Variants in PRMT8 observed in about 807,000 individuals in gnomAD.
PRMT8 encodes protein arginine methyltransferase 8, also known as protein arginine N-methyltransferase 8.
PRMT8 carries 7 observed loss-of-function variants against 47.1 expected under a neutral mutation model. The ratio of observed to expected loss-of-function variants is 0.15; its 90% CI spans 0.08 to 0.28. PRMT8 has a LOEUF of 0.28. Ranked by LOEUF, PRMT8 falls within the 10% of genes least tolerant of loss-of-function variation. The pLI is 1.00. For synonymous variants in PRMT8, 188 were observed against 186.5 expected (o/e 1.01, Z -0.07); for missense variants, 237 against 505.4 (o/e 0.47, Z 5.09).
At chr12:3,531,042 C>T (rs897374208) in intron 1 of PRMT8, among the ~76,000 whole-genome samples, 43 of 152,214 alleles carry the variant, frequency 2.8e-4, no homozygotes, top group Middle Eastern at 3.4e-3. Flanking sequence ...GCCTACGAAG[C>T]GGGTACAGGG....
At chr12:3,417,010 G>A (rs1045482770) in intron 1 of PRMT8, among the ~76,000 whole-genome samples, 1 of 152,262 alleles carries the variant, frequency 6.6e-6, no homozygotes. Flanking sequence ...GCAACTTCCT[G>A]TTTAGCAGAG....
upstream of PRMT8, among the ~76,000 whole-genome samples, chr12:3,491,019 G>GT (rs527819358): frequency 3.8e-4 from 58 of 152,216 alleles, no homozygotes; most frequent in African/African-American, 1.3e-3. Context: ...TGGCCTCCAC[G>GT]TAAGTTGTGT....
chr12:3,481,922 G>T (rs1865277793), intron 1 of PRMT8, among the ~76,000 whole-genome samples: 1 of 152,162 alleles, frequency 6.6e-6, no homozygotes, highest in South Asian at 2.1e-4. Flanking sequence ...CCAAATTTAG[G>T]CTATGATTCT....
At position 3,580,190 on chromosome 12, in the gene PRMT8, A is replaced by G. The variant is rs112023590; in HGVS notation, c.829-2868A>G. On this transcript the variant is annotated intron_variant, in intron 7 of 9. Coordinates refer to ENST00000382622, the MANE Select transcript of PRMT8 (RefSeq NM_019854.5). This position sits in a 1 kb window ranked among gnomAD's most constrained non-coding sequence, Gnocchi z 4.6. ...TTTTGGTCCTAAAGGCTTTTGTTCT[A>G]TCAGAGGCCTCTATTAAGATGCAAA... Among the ~76,000 whole-genome samples the G allele has an allele frequency of 2.6e-5, 4 of 152,296 alleles. No homozygotes were observed. Among genetic ancestry groups the G allele is most frequent in the African/African-American group, 9.6e-5 (4 of 41,570 alleles).
At chr12:3,534,655 T>G (rs529506229) in intron 1 of PRMT8, among the ~76,000 whole-genome samples, 1 of 152,332 alleles carries the variant, frequency 6.6e-6, no homozygotes, top group African/African-American at 2.4e-5. Context: ...CTACCTCCAC[T>G]GAAGCGCTCT....
chr12:3,419,925 C>T (rs2137060436), intron 1 of PRMT8, among the ~76,000 whole-genome samples: 1 of 134,556 alleles, frequency 7.4e-6, no homozygotes, highest in Admixed American at 8.9e-5. Flanking sequence ...CAGAGGGAGC[C>T]AAGAAAGATC....
intron 7 of PRMT8, among the ~76,000 whole-genome samples, 182 bp downstream of exon 7, chr12:3,577,168 T>G (rs898249683): frequency 6.6e-6 from 1 of 152,138 alleles, no homozygotes; most frequent in Admixed American, 6.5e-5. Context: ...ACACAGCCAC[T>G]GAGAGAGTGG....
intron 1 of PRMT8, among the ~76,000 whole-genome samples, chr12:3,434,407 C>G (rs1164627193): frequency 1.3e-5 from 2 of 152,178 alleles, no homozygotes; most frequent in Admixed American, 1.3e-4. Flanking sequence ...GTTCTCCTTG[C>G]TATCTAAAAA....
rs149121915 is a variant in PRMT8, at chr12:3,518,476, C to A, written c.76-22130C>A. Reference sequence around the variant, plus strand: ...AGCAGCTAAATCAATTTTTAAAACCCAATTTTTGTACCTGGGCTAAGGTAA... The same window carrying A: ...AGCAGCTAAATCAATTTTTAAAACCAAATTTTTGTACCTGGGCTAAGGTAA... On this transcript the variant is annotated intron_variant, in intron 1 of 9. Coordinates refer to ENST00000382622, the MANE Select transcript of PRMT8 (RefSeq NM_019854.5). Among the ~76,000 whole-genome samples, 851 of 151,690 alleles carry A rather than the reference C, an allele frequency of 5.6e-3. 28 individuals are homozygous for A. The highest frequency in any genetic ancestry group is 0.051 in the Admixed American group (777 of 15,234).
Position 3,516,467 on chromosome 12 carries a change from G to A in PRMT8, c.76-24139G>A, listed in dbSNP as rs533822876. On this transcript the variant is annotated intron_variant, in intron 1 of 9. Coordinates refer to ENST00000382622, the MANE Select transcript of PRMT8 (RefSeq NM_019854.5). ...GCCTGATGCTGCCAGCATTTACAGA[G>A]CTTTCATTTTATGGGGGAAACAGAC... 5.3e-5 allele frequency among the ~76,000 whole-genome samples: 8 copies of A among 152,324 alleles called. No individual in the cohort carries two copies. In the South Asian group the frequency reaches 1.7e-3, roughly 32 times the overall value.
intron 1 of PRMT8, among the ~76,000 whole-genome samples, chr12:3,520,049 G>A (rs897857920): frequency 2.0e-5 from 3 of 152,184 alleles, no homozygotes; most frequent in African/African-American, 4.8e-5. Flanking sequence ...CTGCCGAGAC[G>A]CTTTGAGGTG....
At chr12:3,524,069 C>CTTA (rs1865919293) in intron 1 of PRMT8, among the ~76,000 whole-genome samples, 1 of 152,196 alleles carries the variant, frequency 6.6e-6, no homozygotes, top group Non-Finnish European at 1.5e-5. Context: ...TTGTGCCTTA[C>CTTA]TTAGTTCAAC....
intron 1 of PRMT8, among the ~76,000 whole-genome samples, chr12:3,511,931 C>T (rs1865720525): frequency 1.3e-5 from 2 of 152,238 alleles, no homozygotes; most frequent in Non-Finnish European, 2.9e-5. Flanking sequence ...TCTCCCAGGA[C>T]ATAGGCCTGA....
intron 1 of PRMT8, among the ~76,000 whole-genome samples, chr12:3,531,916 C>T (rs1169052863): frequency 1.3e-5 from 2 of 152,186 alleles, no homozygotes; most frequent in African/African-American, 2.4e-5. Flanking sequence ...AGAGCTATGG[C>T]AGAGCTCAGG....
chr12:3,478,667 G>T (rs1865242514), intron 1 of PRMT8, among the ~76,000 whole-genome samples: 2 of 152,180 alleles, frequency 1.3e-5, no homozygotes, highest in Non-Finnish European at 1.5e-5. Flanking sequence ...TTTCAGAAGG[G>T]TTAAAAAGTT....
upstream of PRMT8, among the ~76,000 whole-genome samples, chr12:3,487,355 A>AG (rs58046475): frequency 1 from 152,337 of 152,338 alleles, 76,168 homozygotes; most frequent in Non-Finnish European, 1. Flanking sequence ...CATGGTCCGC[A>AG]GTTAAAATGC....
At chr12:3,554,680 G>C (rs904818768) in intron 4 of PRMT8, among the ~76,000 whole-genome samples, 22 of 152,174 alleles carry the variant, frequency 1.4e-4, no homozygotes, top group Non-Finnish European at 2.6e-4. Context: ...TGGGGCAGGG[G>C]GAAAAAGAGG....
At chr12:3,384,324 C>T (rs1287321450) in intron 1 of PRMT8, among the ~76,000 whole-genome samples, 2 of 142,404 alleles carry the variant, frequency 1.4e-5, no homozygotes, top group African/African-American at 5.2e-5. Flanking sequence ...AAATGTTTTT[C>T]TGCTTCAATT....
At position 3,457,884 on chromosome 12, in the gene PRMT8, C is replaced by A. The variant is rs1053580299; in HGVS notation, c.48+76442C>A. ...TTTTTTTTAAGACAGCGTTCTGTTG[C>A]CAGGCTGGAGTGCAGTGGTGTGATC... On this transcript the variant is annotated intron_variant, in intron 1 of 9. Transcript: ENST00000452611. Among the ~76,000 whole-genome samples the A allele has an allele frequency of 1.2e-4, 17 of 138,938 alleles. 1 individual carries two copies. The highest frequency in any genetic ancestry group is 4.5e-5 in the Non-Finnish European group (3 of 66,406). 91.1% of individuals were successfully genotyped at this position (138,938 alleles called of 152,430 possible). A position where few individuals can be genotyped will look rare whatever the true frequency, so the allele number is the denominator to read the frequency against.
Sources: allele counts gnomAD v4.1 joint callset (sites outside exome capture counted in the v4.1 genomes callset), GRCh38; gene constraint gnomAD v4.1.1; non-coding constraint Gnocchi (gnomAD v3.1); transcripts MANE v1.5; gene names NCBI Gene and HGNC (gene_info 2026-07-23, HGNC 2026-07-21).